TGM4: variants seen among roughly 807,000 people sequenced by gnomAD.
TGM4 encodes protein-glutamine gamma-glutamyltransferase 4.
A neutral mutation model predicts 76.3 loss-of-function variants in TGM4; 61 were observed. The observed-to-expected ratio is 0.80, with a 90% CI of 0.65 to 0.99. The LOEUF (loss-of-function observed/expected upper bound fraction) is 0.99, where lower values mean the gene tolerates loss of function less well. TGM4 is among the 50% of genes least tolerant of loss of function. The pLI, the probability that TGM4 is intolerant of heterozygous loss-of-function variation, is 0.00. For synonymous variants in TGM4, 337 were observed against 329.8 expected, an observed-to-expected ratio of 1.02 and a Z score of -0.24; for missense variants, 794 against 843.2, an observed-to-expected ratio of 0.94 and a Z score of 0.72.
intron 3 of TGM4, among the ~76,000 whole-genome samples, chr3:44,889,634 G>A (rs867348575): frequency 6.6e-6 from 1 of 152,196 alleles, no homozygotes; most frequent in Non-Finnish European, 1.5e-5. Flanking sequence ...ACAAGGATGA[G>A]AATTATTATT....
intron 3 of TGM4, 176 bp from the exon 4 acceptor site, chr3:44,890,427 C>A: frequency 1.3e-6 from 1 of 787,808 alleles, no homozygotes; most frequent in Non-Finnish European, 2.0e-6. Context: ...CTGTCTCATG[C>A]ATCCTGCCCT....
chr3:44,881,668 GC>G (rs1455233680), intron 1 of TGM4, among the ~76,000 whole-genome samples: 1 of 152,176 alleles, frequency 6.6e-6, no homozygotes, highest in Admixed American at 6.5e-5. Flanking sequence ...AAAATCATAA[GC>G]TTCTAAGGCT....
intron 9 of TGM4, 51 bp from the exon 10 acceptor site, chr3:44,906,898 G>A: frequency 6.3e-7 from 1 of 1,599,390 alleles, no homozygotes; most frequent in Non-Finnish European, 8.5e-7. Flanking sequence ...GGTCCAGGCT[G>A]GGTGGGCTGG....
chr3:44,880,320 A>C (rs764001461), intron 1 of TGM4, among the ~76,000 whole-genome samples: 6 of 152,268 alleles, frequency 3.9e-5, no homozygotes, highest in Non-Finnish European at 7.3e-5. Context: ...GACAACTGTG[A>C]CTAGGAGCCA....
At chr3:44,907,423 C>T (rs1699940032) in intron 10 of TGM4, among the ~76,000 whole-genome samples, 2 of 151,992 alleles carry the variant, frequency 1.3e-5, no homozygotes, top group East Asian at 3.9e-4. Flanking sequence ...GTTGAGGTTG[C>T]TGTGAGCTAT....
intron 1 of TGM4, among the ~76,000 whole-genome samples, chr3:44,880,287 T>G (rs1413470752): frequency 2.0e-5 from 3 of 152,220 alleles, no homozygotes; most frequent in African/African-American, 7.2e-5. Flanking sequence ...CAAAGAAGAT[T>G]GGCGTTTATC....
In TGM4 at chr3:44,901,315, C is replaced by A. The variant is rs1995639; in HGVS notation, c.658-209C>A. Reference sequence around the variant, plus strand: ...TTACAAGGGAGGAAACTGAGGCATACAGCAGTGAGCATCCTCCCCGGTCAC... The same window carrying A: ...TTACAAGGGAGGAAACTGAGGCATAAAGCAGTGAGCATCCTCCCCGGTCAC... On this transcript the variant is annotated intron_variant, in intron 6 of 13. Coordinates refer to ENST00000296125, the MANE Select transcript of TGM4 (RefSeq NM_003241.4). Among the ~76,000 whole-genome samples, 258 of 152,146 alleles carry A rather than the reference C, an allele frequency of 1.7e-3. 5 individuals are homozygous for A. The highest frequency in any genetic ancestry group is 0.015 in the East Asian group (75 of 5,164).
chr3:44,902,235 T>C (rs1404164898), intron 8 of TGM4, among the ~76,000 whole-genome samples: 2 of 152,180 alleles, frequency 1.3e-5, no homozygotes, highest in East Asian at 1.9e-4. Context: ...TGCTCACTGT[T>C]CCTGAAATTC....
chr3:44,904,918 G>A (rs572580681), intron 9 of TGM4, among the ~76,000 whole-genome samples: 270 of 152,096 alleles, frequency 1.8e-3, no homozygotes, highest in African/African-American at 6.3e-3. Flanking sequence ...CTGACCTCAC[G>A]TGCTCCACCT....
intron 3 of TGM4, chr3:44,889,133 G>A (rs1699652633): frequency 7.2e-6 from 1 of 139,560 alleles, no homozygotes; most frequent in African/African-American, 2.7e-5. Flanking sequence ...AGGTAGAGCT[G>A]GCCAGCCTGG....
In TGM4 at chr3:44,913,875, G is replaced by A. The variant is rs925315467; in HGVS notation, c.*150G>A. ...AAAAAGGCCAACACAACCATAAGCA[G>A]CCAGACCCACAAGGCCAGGTCCTGT... On this transcript the variant is annotated 3_prime_UTR_variant, in exon 14 of 14. Transcript: ENST00000296125. 12 of 1,101,082 alleles carry A rather than the reference G, an allele frequency of 1.1e-5. No homozygotes were observed. The Admixed American group carries it at 1.3e-4, about 12-fold the overall frequency. The allele number at this position is 1,101,082 out of a possible 1,614,324, so 68.2% of individuals were successfully genotyped here.
At chr3:44,888,709 G>T (rs1699646428) in intron 3 of TGM4, 1 of 152,028 alleles carries the variant, frequency 6.6e-6, no homozygotes, top group Non-Finnish European at 1.5e-5. Context: ...AATCTTAATG[G>T]TTTGCACAAT....
At chr3:44,884,361 C>G (rs995932786) in intron 1 of TGM4, among the ~76,000 whole-genome samples, 4 of 152,104 alleles carry the variant, frequency 2.6e-5, no homozygotes, top group African/African-American at 4.8e-5. Flanking sequence ...TGAGGTAATA[C>G]GAAATGTCAT....
chr3:44,909,988 G>A lies in TGM4; in HGVS notation c.1328-102G>A, dbSNP rs934921618. On this transcript the variant is annotated intron_variant, in intron 10 of 13. Transcript: ENST00000296125. ...CTCATGGGCTCCAGGGATGTCTCTG[G>A]AGTCCTGGCCAGGCAGATGGTCTCC... 4.4e-6 allele frequency: 6 copies of A among 1,352,160 alleles called. No individual in the cohort carries two copies. The African/African-American group carries it at 7.3e-5, about 16-fold the overall frequency. The allele number at this position is 1,352,160 out of a possible 1,614,324, so 83.8% of individuals were successfully genotyped here. A position where few individuals can be genotyped will look rare whatever the true frequency, so the allele number is the denominator to read the frequency against.
intron 1 of TGM4, among the ~76,000 whole-genome samples, chr3:44,881,615 A>T (rs1699534023): frequency 6.6e-6 from 1 of 152,178 alleles, no homozygotes; most frequent in Non-Finnish European, 1.5e-5. Flanking sequence ...TTGTCATTTC[A>T]AGAGTCCCAC....
At chr3:44,890,384 TG>T in intron 3 of TGM4, 2 of 534,738 alleles carry the variant, frequency 3.7e-6, no homozygotes, top group Non-Finnish European at 6.6e-6. Context: ...TTGCAAGACG[TG>T]CCAAAACTTC....
At chr3:44,890,981 G>A (rs1014643501) in intron 4 of TGM4, among the ~76,000 whole-genome samples, 6 of 152,110 alleles carry the variant, frequency 3.9e-5, no homozygotes, top group African/African-American at 1.4e-4. Context: ...GCTGGCTTCT[G>A]CCTCCACCAC....
chr3:44,893,512 A>T, intron 4 of TGM4, 65 bp from the exon 5 acceptor site: 1 of 1,424,364 alleles, frequency 7.0e-7, no homozygotes, highest in Non-Finnish European at 9.9e-7. Context: ...GACAGTCCCC[A>T]TTGGCAAGCC....
chr3:44,887,026 G>A (rs182843276), intron 2 of TGM4, among the ~76,000 whole-genome samples: 136 of 152,352 alleles, frequency 8.9e-4, no homozygotes, highest in Non-Finnish European at 1.5e-3. Context: ...TCCCAGCCAT[G>A]AGCACGGCAA....
Sources: allele counts gnomAD v4.1 joint callset (sites outside exome capture counted in the v4.1 genomes callset), GRCh38; gene constraint gnomAD v4.1.1; transcripts MANE v1.5; gene names NCBI Gene and HGNC (gene_info 2026-07-23, HGNC 2026-07-21).